The following DLGAP2 variants were observed in gnomAD, a reference collection of about 807,000 sequenced individuals.
The protein encoded by DLGAP2 is DLG associated protein 2, also known as disks large-associated protein 2.
In DLGAP2, 26 loss-of-function variants were observed where a neutral mutation model predicts 100.3. The observed-to-expected ratio is 0.26, with a 90% CI of 0.19 to 0.36. The LOEUF is 0.36. Among genes scored for constraint, DLGAP2 ranks in the 10% least tolerant of loss-of-function variants. The pLI, the probability that DLGAP2 is intolerant of heterozygous loss-of-function variation, is 1.00. For missense variants in DLGAP2, 1,858 were observed against 1,453.2 expected (o/e 1.28, Z -4.53); for synonymous variants, 886 against 630.1 (o/e 1.41, Z -6.08).
chr8:1,254,825 C>G (rs988282763), intron 2 of DLGAP2, among the ~76,000 whole-genome samples: 5 of 141,808 alleles, frequency 3.5e-5, no homozygotes, highest in Admixed American at 1.4e-4. Flanking sequence ...CCACAAAGAC[C>G]GCTCCTGACT....
intron 3 of DLGAP2, among the ~76,000 whole-genome samples, chr8:1,317,966 C>T (rs796997975): frequency 7.6e-3 from 297 of 39,264 alleles, no homozygotes; most frequent in East Asian, 0.014. Flanking sequence ...TGCAGCGTCT[C>T]TCCAACAGTG....
rs374495791 is a variant in DLGAP2 at position 802,863 on chromosome 8, T to C, written c.18+65038T>C. 4.9e-4 allele frequency among the ~76,000 whole-genome samples: 75 copies of C among 152,242 alleles called. 1 individual carries two copies. The South Asian group carries it at 0.015, about 31-fold the overall frequency. On this transcript the variant is annotated intron_variant, in intron 1 of 14. Coordinates refer to ENST00000637795, the MANE Select transcript of DLGAP2 (RefSeq NM_001346810.2). Reference sequence around the variant, plus strand: ...ATGGGAGCGAACTCGTTTGCAGCAGTGAGCAGACTCCGAGCAGAGTGGACA... The same window carrying C: ...ATGGGAGCGAACTCGTTTGCAGCAGCGAGCAGACTCCGAGCAGAGTGGACA...
chr8:755,631 T>C (rs1820900696), intron 1 of DLGAP2, among the ~76,000 whole-genome samples: 1 of 152,086 alleles, frequency 6.6e-6, no homozygotes, highest in African/African-American at 2.4e-5. Context: ...GGTGAATGTA[T>C]TCCAGGCCCA....
chr8:766,230 G>A (rs1821212813), intron 1 of DLGAP2, among the ~76,000 whole-genome samples: 1 of 152,122 alleles, frequency 6.6e-6, no homozygotes, highest in Non-Finnish European at 1.5e-5. Flanking sequence ...ATCACACACA[G>A]CTGCACATAC....
At chr8:923,236 C>G (rs1019027962) in intron 2 of DLGAP2, among the ~76,000 whole-genome samples, 1 of 152,046 alleles carries the variant, frequency 6.6e-6, no homozygotes, top group African/African-American at 2.4e-5. Context: ...TAGCAAACCA[C>G]AGGTTATCTG....
chr8:1,195,681 G>A (rs916968010), intron 2 of DLGAP2, among the ~76,000 whole-genome samples: 4 of 151,886 alleles, frequency 2.6e-5, no homozygotes, highest in South Asian at 2.1e-4. Context: ...GTTTATGGAC[G>A]TCTTATCAGG....
chr8:1,013,550 G>A (rs1220175011), intron 2 of DLGAP2, among the ~76,000 whole-genome samples: 3 of 152,176 alleles, frequency 2.0e-5, no homozygotes, highest in Admixed American at 2.0e-4. Context: ...TGCCGCAGAG[G>A]TCTCCAGACA....
At chr8:1,475,539 G>C (rs1296650278) in intron 3 of DLGAP2, among the ~76,000 whole-genome samples, 1 of 152,150 alleles carries the variant, frequency 6.6e-6, no homozygotes. Flanking sequence ...GTTTCGTGAG[G>C]ATCAATGAGC....
At position 800,890 on chromosome 8, in the gene DLGAP2, G is replaced by A. The variant is rs534601015; in HGVS notation, c.18+63065G>A. ...GTCTGTACTTCCCCCAGCAATCCCCGGCCGTGCTGTGTCCTCGCCCCCTCA... is the reference window on the plus strand; with the variant it reads ...GTCTGTACTTCCCCCAGCAATCCCCAGCCGTGCTGTGTCCTCGCCCCCTCA... On this transcript the variant is annotated intron_variant, in intron 1 of 14. Coordinates refer to ENST00000637795, the MANE Select transcript of DLGAP2 (RefSeq NM_001346810.2). Among the ~76,000 whole-genome samples, 26 of 152,150 alleles carry A rather than the reference G, an allele frequency of 1.7e-4. No homozygotes were observed. In the East Asian group the frequency reaches 3.3e-3, roughly 19 times the overall value.
At chr8:1,441,389 C>T (rs1797828566) in intron 3 of DLGAP2, among the ~76,000 whole-genome samples, 1 of 151,998 alleles carries the variant, frequency 6.6e-6, no homozygotes. Flanking sequence ...AACCTAAGGC[C>T]CCATTTAAAG....
intron 2 of DLGAP2, among the ~76,000 whole-genome samples, chr8:1,200,731 TGGATTC>T (rs1324364451): frequency 6.6e-6 from 1 of 151,572 alleles, no homozygotes; most frequent in African/African-American, 2.4e-5. Flanking sequence ...GAAATCAGCC[TGGATTC>T]GGACTTACAG....
At chr8:1,540,845 C>A (rs1801338774) in intron 4 of DLGAP2, among the ~76,000 whole-genome samples, 1 of 152,372 alleles carries the variant, frequency 6.6e-6, no homozygotes, top group Admixed American at 6.5e-5. Context: ...TGAAACCACA[C>A]AAACATCCAG....
intron 3 of DLGAP2, among the ~76,000 whole-genome samples, chr8:1,277,088 G>A (rs749246317): frequency 3.9e-5 from 6 of 152,090 alleles, no homozygotes; most frequent in African/African-American, 7.2e-5. Flanking sequence ...GTACCTTCTG[G>A]AATATTATGT....
chr8:1,215,854 T>G (rs932207511), intron 2 of DLGAP2, among the ~76,000 whole-genome samples: 2 of 141,924 alleles, frequency 1.4e-5, no homozygotes, highest in Admixed American at 1.4e-4. Context: ...ATGGGTTCAT[T>G]TGGGTGCATC....
chr8:845,024 A>T (rs1011418239), intron 1 of DLGAP2, among the ~76,000 whole-genome samples: 1 of 152,248 alleles, frequency 6.6e-6, no homozygotes, highest in Non-Finnish European at 1.5e-5. Context: ...TTGCTGAATG[A>T]CATTCATTTG....
chr8:1,553,869 A>G (rs546258385), intron 5 of DLGAP2, among the ~76,000 whole-genome samples: 48 of 152,334 alleles, frequency 3.2e-4, no homozygotes, highest in African/African-American at 1.0e-3. Context: ...ACAAAAACAC[A>G]TCTTAAAAGT....
In DLGAP2 at chr8:1,042,703, C is replaced by T. The variant is rs112403613; in HGVS notation, c.73+134737C>T. Among the ~76,000 whole-genome samples the T allele has an allele frequency of 7.2e-5, 10 of 139,612 alleles. 1 individual carries two copies. The highest frequency in any genetic ancestry group is 3.6e-4 in the Admixed American group (5 of 13,936). The allele number at this position is 139,612 out of a possible 152,430, so 91.6% of individuals were successfully genotyped here. ...GGTGGTGGATGTGGGTGTTGGATGT[C>T]GGTGGTGGGTGTGGGTGGTGGATGT... On this transcript the variant is annotated intron_variant, in intron 2 of 14. Coordinates refer to ENST00000637795, the MANE Select transcript of DLGAP2 (RefSeq NM_001346810.2).
intron 3 of DLGAP2, among the ~76,000 whole-genome samples, chr8:1,367,725 CG>C (rs1802140378): frequency 6.6e-6 from 1 of 152,204 alleles, no homozygotes; most frequent in South Asian, 2.1e-4. Context: ...TCATTTAAAA[CG>C]GTTCCCTATT....
intron 1 of DLGAP2, among the ~76,000 whole-genome samples, chr8:856,240 G>A (rs1293787467): frequency 7.0e-6 from 1 of 143,208 alleles, no homozygotes; most frequent in Non-Finnish European, 1.5e-5. Flanking sequence ...CCAGACTAGA[G>A]TGCAATGGTG....
Sources: allele counts gnomAD v4.1 joint callset (sites outside exome capture counted in the v4.1 genomes callset), GRCh38; gene constraint gnomAD v4.1.1; transcripts MANE v1.5; gene names NCBI Gene and HGNC (gene_info 2026-07-23, HGNC 2026-07-21).